TUSC3: variants seen among roughly 807,000 people sequenced by gnomAD.
TUSC3 encodes the protein dolichyl-diphosphooligosaccharide--protein glycosyltransferase subunit TUSC3.
TUSC3 carries 45 observed loss-of-function variants against 44.8 expected under a neutral mutation model. The ratio of observed to expected loss-of-function variants is 1.00; its 90% CI spans 0.79 to 1.29. TUSC3 has a LOEUF of 1.29. TUSC3 is among the 50% of genes most tolerant of loss of function. The probability of loss-of-function intolerance (pLI) is 0.00; values close to 1 mark genes in which losing one functional copy is unlikely to be tolerated. For synonymous variants in TUSC3, 212 were observed against 152.9 expected (o/e 1.39, Z -2.85); for missense variants, 519 against 437.9 (o/e 1.19, Z -1.65).
At chr8:15,579,165 C>T (rs1368598048) in intron 1 of TUSC3, among the ~76,000 whole-genome samples, 2 of 149,880 alleles carry the variant, frequency 1.3e-5, no homozygotes, top group Admixed American at 6.7e-5. Flanking sequence ...TGGTGATATC[C>T]CCTTTATCAT....
chr8:15,708,298 G>C (rs1809704539), intron 6 of TUSC3, among the ~76,000 whole-genome samples: 1 of 151,892 alleles, frequency 6.6e-6, no homozygotes, highest in Non-Finnish European at 1.5e-5. Context: ...AAAGTTGATT[G>C]GGAATAGATT....
intron 1 of TUSC3, among the ~76,000 whole-genome samples, chr8:15,581,864 T>C (rs1379662305): frequency 2.3e-4 from 21 of 92,548 alleles, no homozygotes; most frequent in Middle Eastern, 6.3e-3. Context: ...AGCTTCCCGT[T>C]TACCTAATCA....
intron 2 of TUSC3, among the ~76,000 whole-genome samples, chr8:15,487,797 C>G (rs915309599): frequency 4.6e-5 from 7 of 151,588 alleles, no homozygotes; most frequent in Admixed American, 2.6e-4. Flanking sequence ...CCAAGGATCA[C>G]TTCATTTGAC....
At chr8:15,432,815 C>G (rs753280485) in intron 1 of TUSC3, among the ~76,000 whole-genome samples, 2 of 152,044 alleles carry the variant, frequency 1.3e-5, no homozygotes, top group Admixed American at 6.6e-5. Context: ...TTTGCTTCCC[C>G]CACATGGAAA....
chr8:15,661,864 C>T (rs925311970), intron 4 of TUSC3, among the ~76,000 whole-genome samples: 1 of 151,738 alleles, frequency 6.6e-6, no homozygotes, highest in African/African-American at 2.4e-5. Flanking sequence ...TCAAAATGGG[C>T]AAAGGATCTG....
intron 2 of TUSC3, among the ~76,000 whole-genome samples, chr8:15,629,301 A>G (rs2129167190): frequency 6.6e-6 from 1 of 152,242 alleles, no homozygotes; most frequent in South Asian, 2.1e-4. Flanking sequence ...GGCGTCTGTT[A>G]AGTAATTGTG....
At chr8:15,428,655 C>T (rs988391830) in intron 1 of TUSC3, among the ~76,000 whole-genome samples, 24 of 152,118 alleles carry the variant, frequency 1.6e-4, no homozygotes, top group East Asian at 5.8e-4. Context: ...TTGTAATGAT[C>T]GCCATTCTAA....
chr8:15,597,028 G>A (rs945021651), intron 1 of TUSC3, among the ~76,000 whole-genome samples: 1 of 152,088 alleles, frequency 6.6e-6, no homozygotes, highest in African/African-American at 2.4e-5. Context: ...GAAAAGCTGG[G>A]TCAGTTCAGC....
chr8:15,656,044 A>G (rs550281519), intron 3 of TUSC3, among the ~76,000 whole-genome samples: 1 of 152,254 alleles, frequency 6.6e-6, no homozygotes, highest in South Asian at 2.1e-4. Context: ...AATACCTGAG[A>G]CTGGCTAATT....
Position 15,635,949 on chromosome 8 carries a change from T to C in TUSC3, c.308+12700T>C, listed in dbSNP as rs577392447. Reference sequence around the variant, plus strand: ...GTGACTAGTTCGCATGTGTGATTTGTTGTTCAAAAGATAGATGTTTCAAAG... The same window carrying C: ...GTGACTAGTTCGCATGTGTGATTTGCTGTTCAAAAGATAGATGTTTCAAAG... On this transcript the variant is annotated intron_variant, in intron 2 of 10. Transcript: ENST00000503731. Among the ~76,000 whole-genome samples, 8 of 152,314 alleles carry C rather than the reference T, an allele frequency of 5.3e-5. No individual in the cohort carries two copies. In the South Asian group the frequency reaches 1.7e-3, roughly 32 times the overall value.
At chr8:15,781,167 G>T in the TUSC3 span, among the ~76,000 whole-genome samples, 1 of 152,168 alleles carries the variant, frequency 6.6e-6, no homozygotes, top group Non-Finnish European at 1.5e-5. Flanking sequence ...GAAGGGTGCT[G>T]TCTGAGCACA....
At chr8:15,603,518 C>T (rs954096314) in intron 1 of TUSC3, among the ~76,000 whole-genome samples, 1 of 151,436 alleles carries the variant, frequency 6.6e-6, no homozygotes, top group African/African-American at 2.4e-5. Context: ...CTGTGTACTT[C>T]TTTGCAGAAA....
chr8:15,571,565 CT>C (rs931241991), intron 1 of TUSC3, among the ~76,000 whole-genome samples: 1 of 152,116 alleles, frequency 6.6e-6, no homozygotes, highest in African/African-American at 2.4e-5. Flanking sequence ...GGTTTTGCTT[CT>C]TGTTGATGGC....
intron 2 of TUSC3, among the ~76,000 whole-genome samples, chr8:15,509,371 G>C (rs748165600): frequency 6.6e-6 from 1 of 152,158 alleles, no homozygotes; most frequent in African/African-American, 2.4e-5. Context: ...CGCTTTGGGA[G>C]GCCAAGGCAG....
At chr8:15,526,355 T>C (rs1380806221) in intron 2 of TUSC3, among the ~76,000 whole-genome samples, 1 of 152,128 alleles carries the variant, frequency 6.6e-6, no homozygotes, top group Non-Finnish European at 1.5e-5. Flanking sequence ...TTGATAATGA[T>C]TACATTCTAT....
chr8:15,448,927 CTTTA>C (rs1800148522), intron 1 of TUSC3, among the ~76,000 whole-genome samples: 1 of 151,990 alleles, frequency 6.6e-6, no homozygotes, highest in African/African-American at 2.4e-5. Context: ...AGTGCTTTTA[CTTTA>C]TTTTTTTTAA....
At chr8:15,419,388 T>C (rs1210708909) in intron 1 of TUSC3, among the ~76,000 whole-genome samples, 1 of 152,226 alleles carries the variant, frequency 6.6e-6, no homozygotes, top group Non-Finnish European at 1.5e-5. Flanking sequence ...TCAGTATATC[T>C]TATTGCTGAA....
chr8:15,623,483 C>T (rs950030767), intron 2 of TUSC3, among the ~76,000 whole-genome samples: 5 of 151,842 alleles, frequency 3.3e-5, no homozygotes, highest in African/African-American at 1.2e-4. Flanking sequence ...ATCATAAAAC[C>T]GTTTTATCAT....
At chr8:15,566,472 A>G (rs1038312285) in intron 1 of TUSC3, among the ~76,000 whole-genome samples, 1 of 152,166 alleles carries the variant, frequency 6.6e-6, no homozygotes, top group African/African-American at 2.4e-5. Context: ...TTTTTGTCAC[A>G]TGGTAACAGC....
Sources: allele counts gnomAD v4.1 joint callset (sites outside exome capture counted in the v4.1 genomes callset), GRCh38; gene constraint gnomAD v4.1.1; transcripts MANE v1.5; gene names NCBI Gene and HGNC (gene_info 2026-07-23, HGNC 2026-07-21).